RRP15: variants seen among roughly 807,000 people sequenced by gnomAD.
RRP15 encodes the protein ribosomal RNA processing 15 homolog, also known as RRP15-like protein.
RRP15 carries 18 observed loss-of-function variants against 27.1 expected under a neutral mutation model. That is an observed-to-expected ratio of 0.66 (90% CI 0.46 to 0.98). The LOEUF (loss-of-function observed/expected upper bound fraction) is 0.98, where lower values mean the gene tolerates loss of function less well. Ranked by LOEUF, RRP15 falls within the 50% of genes least tolerant of loss-of-function variation. The probability of loss-of-function intolerance (pLI) is 0.00; values close to 1 mark genes in which losing one functional copy is unlikely to be tolerated. For synonymous variants in RRP15, 107 were observed against 109.4 expected, an observed-to-expected ratio of 0.98 and a Z score of 0.14; for missense variants, 359 against 337.8, an observed-to-expected ratio of 1.06 and a Z score of -0.49.
chr1:218,309,636 T>C (rs1306977084), intron 4 of RRP15, among the ~76,000 whole-genome samples: 2 of 145,928 alleles, frequency 1.4e-5, no homozygotes, highest in African/African-American at 2.6e-5. Flanking sequence ...TGAGCCGAGA[T>C]TGTGCCACTG....
At chr1:218,310,829 A>G (rs1276303792) in intron 4 of RRP15, among the ~76,000 whole-genome samples, 1 of 151,980 alleles carries the variant, frequency 6.6e-6, no homozygotes, top group Non-Finnish European at 1.5e-5. Context: ...GCTCATTGCA[A>G]CTTCCGCCTC....
At chr1:218,318,294 T>G (rs1656121965) in intron 4 of RRP15, among the ~76,000 whole-genome samples, 2 of 152,338 alleles carry the variant, frequency 1.3e-5, no homozygotes, top group African/African-American at 4.8e-5. Context: ...AATTAAAATT[T>G]TTTTATAACT....
chr1:218,285,622 A>C (rs1655533488), intron 1 of RRP15, among the ~76,000 whole-genome samples, 167 bp downstream of exon 1: 1 of 152,166 alleles, frequency 6.6e-6, no homozygotes, highest in Non-Finnish European at 1.5e-5. Flanking sequence ...AGTCGTGTTC[A>C]GAGAAGTAAC....
chr1:218,319,065 CTTT>C (rs546270156), intron 4 of RRP15, among the ~76,000 whole-genome samples: 1 of 145,270 alleles, frequency 6.9e-6, no homozygotes, highest in South Asian at 2.2e-4. Context: ...TTTCTTTTGT[CTTT>C]TTTTTTTTGA....
intron 1 of RRP15, among the ~76,000 whole-genome samples, chr1:218,294,156 C>T (rs1046163916): frequency 4.6e-5 from 7 of 152,156 alleles, no homozygotes; most frequent in African/African-American, 1.7e-4. Context: ...TTTTCTCACT[C>T]AGCCACTCAA....
intron 4 of RRP15, among the ~76,000 whole-genome samples, chr1:218,314,171 A>T (rs1030023533): frequency 2.0e-5 from 3 of 151,980 alleles, no homozygotes; most frequent in East Asian, 3.9e-4. Flanking sequence ...AGTGATTTTT[A>T]AAAATATTAC....
chr1:218,300,176 AT>A (rs564685486), intron 1 of RRP15, among the ~76,000 whole-genome samples: 145 of 152,290 alleles, frequency 9.5e-4, no homozygotes, highest in African/African-American at 3.4e-3. Flanking sequence ...CTCTATTAGC[AT>A]GATAGAATTG....
intron 4 of RRP15, among the ~76,000 whole-genome samples, chr1:218,329,667 T>C (rs910576221): frequency 6.6e-6 from 1 of 152,200 alleles, no homozygotes; most frequent in East Asian, 1.9e-4. Flanking sequence ...GTGCTGATGT[T>C]TGATATACGA....
At chr1:218,330,827 T>A (rs1656354050) in intron 4 of RRP15, 121 bp from the exon 5 acceptor site, 1 of 688,254 alleles carries the variant, frequency 1.5e-6, no homozygotes, top group African/African-American at 1.8e-5. Flanking sequence ...TTATAATTTC[T>A]CTTGGTTTTA....
rs1035070045 is a variant in RRP15, at chr1:218,334,147, A to G, written c.*3056A>G. 2.6e-5 allele frequency: 4 copies of G among 152,170 alleles called. No homozygotes were observed. The highest frequency in any genetic ancestry group is 5.9e-5 in the Non-Finnish European group (4 of 68,020). 9.4% of individuals were successfully genotyped at this position (152,170 alleles called of 1,614,324 possible). The stretch of plus-strand genomic sequence containing the variant: ...ATGATAATACCTGATTAGGACTGAA[A>G]ATAGAATTATCTTAGTAGTTTAGCA... On this transcript the variant is annotated 3_prime_UTR_variant, in exon 5 of 5. Transcript: ENST00000366932.
intron 1 of RRP15, among the ~76,000 whole-genome samples, chr1:218,293,966 A>G (rs1251603480): frequency 6.6e-6 from 1 of 152,108 alleles, no homozygotes; most frequent in East Asian, 1.9e-4. Flanking sequence ...TGGAGGTGAA[A>G]TTAGCAGTTA....
At chr1:218,286,265 G>T (rs564422528) in intron 1 of RRP15, among the ~76,000 whole-genome samples, 6 of 152,278 alleles carry the variant, frequency 3.9e-5, no homozygotes, top group Non-Finnish European at 5.9e-5. Context: ...TAGGCTGTAT[G>T]ATTTGGGCCA....
chr1:218,291,772 C>T (rs913159537), intron 1 of RRP15, among the ~76,000 whole-genome samples: 2 of 152,006 alleles, frequency 1.3e-5, no homozygotes, highest in African/African-American at 2.4e-5. Context: ...CCTCATGATA[C>T]ACCCACCTTG....
At chr1:218,323,307 C>T (rs1435215311) in intron 4 of RRP15, among the ~76,000 whole-genome samples, 1 of 152,190 alleles carries the variant, frequency 6.6e-6, no homozygotes, top group Admixed American at 6.5e-5. Flanking sequence ...ATGAGGTACA[C>T]AGACAAGTGG....
At chr1:218,288,927 C>A (rs959822557) in intron 1 of RRP15, among the ~76,000 whole-genome samples, 1 of 152,134 alleles carries the variant, frequency 6.6e-6, no homozygotes, top group Non-Finnish European at 1.5e-5. Context: ...CCTGTTCACT[C>A]AATTGTATAA....
chr1:218,313,002 A>AT (rs1476301126), intron 4 of RRP15, among the ~76,000 whole-genome samples: 5 of 152,228 alleles, frequency 3.3e-5, no homozygotes, highest in Non-Finnish European at 4.4e-5. Context: ...TTCCTTACGC[A>AT]TTTGGAGGCC....
intron 4 of RRP15, among the ~76,000 whole-genome samples, chr1:218,322,224 TACTTC>T (rs1266471828): frequency 1.3e-5 from 2 of 152,204 alleles, no homozygotes; most frequent in African/African-American, 2.4e-5. Flanking sequence ...CTTGAATAAT[TACTTC>T]ACTTCTCTGA....
chr1:218,294,702 A>G (rs1215778344), intron 1 of RRP15, among the ~76,000 whole-genome samples: 1 of 152,120 alleles, frequency 6.6e-6, no homozygotes, highest in Non-Finnish European at 1.5e-5. Flanking sequence ...GGTTGATTAA[A>G]TCATCGAGGT....
At chr1:218,314,329 AGTAT>A (rs1656047176) in intron 4 of RRP15, among the ~76,000 whole-genome samples, 1 of 152,156 alleles carries the variant, frequency 6.6e-6, no homozygotes. Flanking sequence ...TTTGTTTCTC[AGTAT>A]GTTAATCAAG....
Sources: gnomAD v4.1 joint callset for allele counts (sites outside exome capture counted in the v4.1 genomes callset) on GRCh38, gnomAD v4.1.1 for gene constraint, MANE v1.5 for transcripts, NCBI Gene and HGNC (gene_info 2026-07-23, HGNC 2026-07-21) for gene names.